Variants in CDH12 observed in about 807,000 individuals in gnomAD.
CDH12 encodes cadherin-12.
CDH12 carries 41 observed loss-of-function variants against 74.1 expected under a neutral mutation model. The observed-to-expected ratio is 0.55, with a 90% CI of 0.43 to 0.72. The LOEUF is 0.72. Ranked by LOEUF, CDH12 falls within the 30% of genes least tolerant of loss-of-function variation. CDH12 has a pLI of 0.00. For missense variants in CDH12, 945 were observed against 977.2 expected (o/e 0.97, Z 0.44); for synonymous variants, 399 against 355.0 (o/e 1.12, Z -1.39).
intron 10 of CDH12, among the ~76,000 whole-genome samples, chr5:21,796,633 T>C (rs1354308058): frequency 6.6e-6 from 1 of 152,020 alleles, no homozygotes; most frequent in Non-Finnish European, 1.5e-5. Flanking sequence ...GGATTAAAAT[T>C]AAATAATCTA....
At chr5:22,153,858 G>GTATATATATATATATA (rs1208832724) in intron 4 of CDH12, among the ~76,000 whole-genome samples, 1 of 103,266 alleles carries the variant, frequency 9.7e-6, no homozygotes, top group African/African-American at 4.0e-5. Flanking sequence ...ATGTGTGTGT[G>GTATATATATATATATA]TATATATATA....
At chr5:21,992,904 G>A (rs779294976) in intron 5 of CDH12, among the ~76,000 whole-genome samples, 3 of 152,130 alleles carry the variant, frequency 2.0e-5, no homozygotes, top group South Asian at 2.1e-4. Flanking sequence ...AATACTGCAC[G>A]GCTGGGGAGG....
chr5:22,374,907 A>C (rs558793469), intron 3 of CDH12, among the ~76,000 whole-genome samples: 1 of 152,106 alleles, frequency 6.6e-6, no homozygotes, highest in Non-Finnish European at 1.5e-5. Context: ...GATTCCATGC[A>C]ATCTCTATCA....
At chr5:22,094,654 C>T (rs191240728) in intron 4 of CDH12, among the ~76,000 whole-genome samples, 29 of 152,186 alleles carry the variant, frequency 1.9e-4, no homozygotes, top group Non-Finnish European at 2.9e-5. Flanking sequence ...CTCACAATGG[C>T]CCAGCTACAT....
intron 5 of CDH12, among the ~76,000 whole-genome samples, chr5:22,002,544 A>C (rs1172409167): frequency 6.6e-6 from 1 of 152,150 alleles, no homozygotes; most frequent in African/African-American, 2.4e-5. Flanking sequence ...TTAAAATTCA[A>C]TTAAATCATT....
At position 22,119,042 on chromosome 5, in the gene CDH12, T is replaced by A. The variant is rs369891749; in HGVS notation, c.-186-40180A>T. Among the ~76,000 whole-genome samples, 3 of 152,210 alleles carry A rather than the reference T, an allele frequency of 2.0e-5. No individual in the cohort carries two copies. In the South Asian group the frequency reaches 6.2e-4, roughly 32 times the overall value. Reference sequence around the variant, plus strand: ...AAGAAGAAGTAATAGGATCGCCTTTTCAATTTTTCCTATGTACATCTCTTG... The same window carrying A: ...AAGAAGAAGTAATAGGATCGCCTTTACAATTTTTCCTATGTACATCTCTTG... On this transcript the variant is annotated intron_variant, in intron 4 of 14. Coordinates refer to ENST00000382254, the MANE Select transcript of CDH12 (RefSeq NM_004061.5).
chr5:22,827,377 A>G (rs765570761), intron 1 of CDH12, among the ~76,000 whole-genome samples: 3 of 152,254 alleles, frequency 2.0e-5, no homozygotes, highest in African/African-American at 7.2e-5. Flanking sequence ...AAACTGAAAT[A>G]ATATATTGGT....
intron 5 of CDH12, among the ~76,000 whole-genome samples, chr5:22,058,721 G>C (rs10073511): frequency 0.044 from 5,151 of 117,368 alleles, 302 homozygotes; most frequent in African/African-American, 0.15. Context: ...AAGAAAGAAA[G>C]AAAGAGAAAG....
chr5:22,373,342 G>C (rs553216898), intron 3 of CDH12, among the ~76,000 whole-genome samples: 140 of 152,248 alleles, frequency 9.2e-4, no homozygotes, highest in African/African-American at 3.3e-3. Flanking sequence ...GAACCACTTG[G>C]GTTCCAGTGG....
At chr5:22,612,935 T>C (rs950194952) in intron 1 of CDH12, among the ~76,000 whole-genome samples, 13 of 152,210 alleles carry the variant, frequency 8.5e-5, no homozygotes, top group African/African-American at 2.4e-5. Context: ...TTGGAAGAAG[T>C]GAAATTTGAA....
At chr5:21,862,539 T>C (rs1751098117) in intron 6 of CDH12, among the ~76,000 whole-genome samples, 1 of 152,146 alleles carries the variant, frequency 6.6e-6, no homozygotes, top group Admixed American at 6.6e-5. Flanking sequence ...CAATCAATTT[T>C]GTTAATTCAT....
At chr5:21,798,415 C>T (rs557231233) in intron 10 of CDH12, among the ~76,000 whole-genome samples, 6 of 152,110 alleles carry the variant, frequency 3.9e-5, no homozygotes, top group East Asian at 1.9e-4. Flanking sequence ...CTGAAATGTA[C>T]GGGTGCTCAG....
At chr5:22,420,531 T>C (rs558041641) in intron 2 of CDH12, among the ~76,000 whole-genome samples, 10 of 152,186 alleles carry the variant, frequency 6.6e-5, no homozygotes, top group Non-Finnish European at 1.5e-4. Flanking sequence ...CATTGGTCTA[T>C]GTGTCTGTTT....
At chr5:22,080,108 C>T (rs1742620914) in intron 4 of CDH12, among the ~76,000 whole-genome samples, 1 of 152,032 alleles carries the variant, frequency 6.6e-6, no homozygotes, top group African/African-American at 2.4e-5. Flanking sequence ...TTTCTAAAGG[C>T]CGAAAACGTT....
chr5:22,560,201 A>G (rs1484079308), intron 1 of CDH12, among the ~76,000 whole-genome samples: 1 of 152,166 alleles, frequency 6.6e-6, no homozygotes, highest in Non-Finnish European at 1.5e-5. Flanking sequence ...CAGTCCAAAA[A>G]TATTAATTGG....
chr5:22,637,664 T>C (rs957829723), intron 1 of CDH12, among the ~76,000 whole-genome samples: 3 of 152,196 alleles, frequency 2.0e-5, no homozygotes, highest in South Asian at 2.1e-4. Context: ...TTGGAACAAA[T>C]TGACAAACTG....
rs919596456 is a variant in CDH12 at position 22,670,613 on chromosome 5, A to G, written c.-522-165249T>C. Among the ~76,000 whole-genome samples, 3 of 152,226 alleles carry G rather than the reference A, an allele frequency of 2.0e-5. 1 individual carries two copies. Among genetic ancestry groups the G allele is most frequent in the Admixed American group, 2.0e-4 (3 of 15,286 alleles). ...GTTATTAAACTCTTATATTTTCAGA[A>G]ATTACATGCTTTACTGGCTATTTCT... is the stretch of plus-strand genomic sequence containing the variant. On this transcript the variant is annotated intron_variant, in intron 1 of 14. Transcript: ENST00000382254.
At chr5:21,902,818 C>T (rs141495058) in intron 6 of CDH12, among the ~76,000 whole-genome samples, 2 of 152,046 alleles carry the variant, frequency 1.3e-5, no homozygotes, top group East Asian at 1.9e-4. Flanking sequence ...GAGAGTATGA[C>T]TCTATTAGAT....
intron 3 of CDH12, among the ~76,000 whole-genome samples, chr5:22,312,945 C>G (rs948034928): frequency 1.3e-5 from 2 of 152,146 alleles, no homozygotes; most frequent in Non-Finnish European, 2.9e-5. Flanking sequence ...TTTGTGTATT[C>G]CATCTCTTAG....
Sources: gnomAD v4.1 joint callset for allele counts (sites outside exome capture counted in the v4.1 genomes callset) on GRCh38, gnomAD v4.1.1 for gene constraint, MANE v1.5 for transcripts, NCBI Gene and HGNC (gene_info 2026-07-23, HGNC 2026-07-21) for gene names.